The following WTAP variants were observed in gnomAD, a reference collection of about 807,000 sequenced individuals.
WTAP encodes pre-mRNA-splicing regulator WTAP.
Under a neutral mutation model 50.0 loss-of-function variants are expected in WTAP, and 8 were observed. That is an observed-to-expected ratio of 0.16 (90% CI 0.09 to 0.29). The LOEUF is 0.29. Ranked by LOEUF, WTAP falls within the 10% of genes least tolerant of loss-of-function variation. The pLI is 1.00. For synonymous variants in WTAP, 194 were observed against 169.0 expected (o/e 1.15, Z -1.15); for missense variants, 295 against 470.7 (o/e 0.63, Z 3.45).
chr6:159,751,679 C>T (rs933879428), intron 6 of WTAP, among the ~76,000 whole-genome samples: 3 of 152,202 alleles, frequency 2.0e-5, no homozygotes, highest in African/African-American at 7.2e-5. Context: ...CCCTCGGGCT[C>T]CTCTGAGCAG....
At chr6:159,732,604 G>GC (rs1442294001) in intron 1 of WTAP, among the ~76,000 whole-genome samples, 2 of 152,216 alleles carry the variant, frequency 1.3e-5, no homozygotes, top group Non-Finnish European at 2.9e-5. Flanking sequence ...GGAGGCCAAA[G>GC]CAGGTGGATT....
At chr6:159,741,994 G>A in intron 3 of WTAP, 94 bp from the exon 4 acceptor site, 1 of 894,670 alleles carries the variant, frequency 1.1e-6, no homozygotes, top group East Asian at 2.7e-5. Context: ...AGAATGCTCA[G>A]TATTACTAAA....
chr6:159,746,509 A>G (rs1417600494), intron 5 of WTAP, among the ~76,000 whole-genome samples: 3 of 152,148 alleles, frequency 2.0e-5, no homozygotes, highest in East Asian at 1.9e-4. Context: ...CCAGCATACT[A>G]ACTCATCCAT....
chr6:159,749,048 G>A, intron 6 of WTAP: 1 of 992,288 alleles, frequency 1.0e-6, no homozygotes. Context: ...ATTTAGTTTG[G>A]GGCTCTATAT....
At chr6:159,741,394 A>T (rs1200218920) in intron 3 of WTAP, among the ~76,000 whole-genome samples, 1 of 152,224 alleles carries the variant, frequency 6.6e-6, no homozygotes, top group African/African-American at 2.4e-5. Context: ...GAAGAGTCAC[A>T]TGGTATTTTC....
intron 4 of WTAP, among the ~76,000 whole-genome samples, chr6:159,743,324 G>A (rs1779375156): frequency 6.6e-6 from 1 of 152,238 alleles, no homozygotes; most frequent in Admixed American, 6.5e-5. Context: ...TGGGATTACA[G>A]GCGTGAGCCT....
intron 1 of WTAP, among the ~76,000 whole-genome samples, chr6:159,734,915 TTG>T (rs1452349345): frequency 1.3e-5 from 2 of 152,182 alleles, no homozygotes; most frequent in Admixed American, 6.5e-5. Flanking sequence ...TGTCTTTTTT[TTG>T]TGTGTGGATT....
chr6:159,752,547 AGT>A (rs1466481384), intron 6 of WTAP, among the ~76,000 whole-genome samples: 3 of 152,206 alleles, frequency 2.0e-5, no homozygotes, highest in Non-Finnish European at 4.4e-5. Flanking sequence ...ATCTGTGGAA[AGT>A]GTGACACTCC....
At position 159,732,885 on chromosome 6, in the gene WTAP, TA is replaced by T. The variant is rs1562452335; in HGVS notation, c.-8-3372del. Among the ~76,000 whole-genome samples the T allele has an allele frequency of 1.8e-4, 10 of 56,912 alleles. No homozygotes were observed. The East Asian group carries it at 3.6e-3, about 21-fold the overall frequency. The allele number at this position is 56,912 out of a possible 152,430, so 37.3% of individuals were successfully genotyped here. ...CTCTCTCTCTCTCTGTATATATATA[TA>T]GTGTGTGTGTGTGTGTGTGTGTGTG... On this transcript the variant is annotated intron_variant, in intron 1 of 7. Coordinates refer to ENST00000621533, the MANE Select transcript of WTAP (RefSeq NM_001270531.2).
At chr6:159,733,183 T>G (rs1778694111) in intron 1 of WTAP, among the ~76,000 whole-genome samples, 1 of 151,782 alleles carries the variant, frequency 6.6e-6, no homozygotes, top group South Asian at 2.1e-4. Flanking sequence ...AAAAAAAGAA[T>G]AATATACATT....
chr6:159,752,880 C>T (rs1006138352), intron 6 of WTAP, among the ~76,000 whole-genome samples: 11 of 152,180 alleles, frequency 7.2e-5, no homozygotes, highest in Admixed American at 2.6e-4. Flanking sequence ...GCTGGCACTA[C>T]AAGCATGTGT....
chr6:159,735,270 C>T (rs1229123731), intron 1 of WTAP, among the ~76,000 whole-genome samples: 1 of 152,136 alleles, frequency 6.6e-6, no homozygotes, highest in African/African-American at 2.4e-5. Flanking sequence ...TCCCTAGTAG[C>T]TGGGATTACA....
chr6:159,753,660 G>C (rs371314485), intron 7 of WTAP, 46 bp downstream of exon 7: 1 of 1,560,174 alleles, frequency 6.4e-7, no homozygotes, highest in African/African-American at 1.4e-5. Flanking sequence ...ACTTTGCATT[G>C]GCTTTTTAAA....
In WTAP at chr6:159,748,555, T is replaced by G; in HGVS notation, c.452+186T>G. 4 of 1,357,084 alleles carry G rather than the reference T, an allele frequency of 2.9e-6. No homozygotes were observed. The highest frequency in any genetic ancestry group is 2.9e-6 in the Non-Finnish European group (3 of 1,051,558). The allele number at this position is 1,357,084 out of a possible 1,614,324, so 84.1% of individuals were successfully genotyped here. A position where few individuals can be genotyped will look rare whatever the true frequency, so the allele number is the denominator to read the frequency against. ...AAACTTACCAGATGAACCTTGTGTT[T>G]CAGCTTTTTTCTTTTCCCCTTCCCC... On this transcript the variant is annotated intron_variant, in intron 6 of 7. Coordinates refer to ENST00000621533, the MANE Select transcript of WTAP (RefSeq NM_001270531.2). This position sits in a 1 kb window ranked among gnomAD's most constrained non-coding sequence, Gnocchi z 5.6.
intron 1 of WTAP, among the ~76,000 whole-genome samples, chr6:159,732,886 A>AGTGTGTGTGT (rs67554039): frequency 0.036 from 5,252 of 146,392 alleles, 84 homozygotes; most frequent in African/African-American, 0.042. Flanking sequence ...ATATATATAT[A>AGTGTGTGTGT]GTGTGTGTGT....
At chr6:159,754,957 G>A (rs756435341) in intron 7 of WTAP, 71 bp from the exon 8 acceptor site, 1 of 1,422,574 alleles carries the variant, frequency 7.0e-7, no homozygotes, top group Non-Finnish European at 9.4e-7. Flanking sequence ...CTTGCTTTGT[G>A]GCAGGCACTA....
intron 6 of WTAP, chr6:159,749,225 A>G (rs1340309186): frequency 2.2e-4 from 217 of 985,686 alleles, no homozygotes; most frequent in Non-Finnish European, 2.6e-4. Context: ...TCACAACTAG[A>G]TTGTATAAGG....
rs748962470 is a variant in WTAP, at chr6:159,755,402, T to G, written c.982T>G (p.Tyr328Asp). 5.0e-6 allele frequency: 8 copies of G among 1,614,178 alleles called. No homozygotes were observed. The South Asian group carries it at 8.8e-5, about 18-fold the overall frequency. Residue 328 changes from tyrosine to aspartate, a missense_variant, in exon 8 of 8, where the codon TAC becomes GAC. Physicochemically the swap from Tyr to Asp is radical, Grantham distance 160. Around this residue, in one of 2 missense-constraint regions of WTAP, gnomAD observed 175 missense variants for 183.1 expected, o/e 0.96. Transcript: ENST00000621533. ...EERTGRGGSGYVNQLSAGYES... is the reference protein window; with the variant it reads ...EERTGRGGSGDVNQLSAGYES... ...GAGAACTGGCAGAGGAGGTAGTGGT[T>G]ACGTAAATCAACTCAGTGCGGGGTA...
intron 2 of WTAP, 30 bp downstream of exon 2, chr6:159,736,325 T>C: frequency 2.5e-6 from 4 of 1,586,264 alleles, no homozygotes; most frequent in Non-Finnish European, 3.4e-6. Context: ...GTTTTTTTGT[T>C]TTGTTTTGGG....
Sources: allele counts gnomAD v4.1 joint callset (sites outside exome capture counted in the v4.1 genomes callset), GRCh38; gene constraint gnomAD v4.1.1; regional missense constraint gnomAD v4.1.1; non-coding constraint Gnocchi (gnomAD v3.1); transcripts MANE v1.5; gene names NCBI Gene and HGNC (gene_info 2026-07-23, HGNC 2026-07-21).